Variants in CERS6 observed in about 807,000 individuals in gnomAD.
The protein encoded by CERS6 is ceramide synthase 6.
In CERS6, 26 loss-of-function variants were observed where a neutral mutation model predicts 56.8. That is an observed-to-expected ratio of 0.46 (90% CI 0.34 to 0.63). The LOEUF (loss-of-function observed/expected upper bound fraction) is 0.63. Ranked by LOEUF, CERS6 falls within the 30% of genes least tolerant of loss-of-function variation. The pLI, the probability that CERS6 is intolerant of heterozygous loss-of-function variation, is 0.01. For missense variants in CERS6, 415 were observed against 467.5 expected, an observed-to-expected ratio of 0.89 and a Z score of 1.04; for synonymous variants, 164 against 173.3, an observed-to-expected ratio of 0.95 and a Z score of 0.42.
chr2:168,645,487 T>A (rs879792830), intron 4 of CERS6, among the ~76,000 whole-genome samples: 1 of 151,984 alleles, frequency 6.6e-6, no homozygotes, highest in Non-Finnish European at 1.5e-5. Context: ...TTTGCCTTTT[T>A]AAAAAAGTTA....
intron 3 of CERS6, among the ~76,000 whole-genome samples, chr2:168,586,990 G>A (rs1683559616): frequency 1.3e-5 from 2 of 152,074 alleles, no homozygotes; most frequent in South Asian, 2.1e-4. Context: ...GGCCAACATG[G>A]TGAAACCCTG....
intron 8 of CERS6, among the ~76,000 whole-genome samples, chr2:168,752,034 T>G (rs141569633): frequency 1.5e-4 from 23 of 152,218 alleles, no homozygotes; most frequent in African/African-American, 3.9e-4. Context: ...TATCTTAAAA[T>G]CTCTCTCAGG....
chr2:168,699,997 C>T (rs1686764516), intron 6 of CERS6, among the ~76,000 whole-genome samples: 1 of 152,222 alleles, frequency 6.6e-6, no homozygotes, highest in Non-Finnish European at 1.5e-5. Flanking sequence ...GGGCCTTTGG[C>T]CAATGAGTTC....
In CERS6 at chr2:168,456,312, AGGCGGCGGCGGCGGGCGGGAGCAGCGGC is replaced by A. The variant is rs954641447; in HGVS notation, c.-127_-100del. 93 of 347,362 alleles carry A rather than the reference AGGCGGCGGCGGCGGGCGGGAGCAGCGGC, an allele frequency of 2.7e-4. 3 individuals are homozygous for A. The highest frequency in any genetic ancestry group is 3.9e-4 in the Non-Finnish European group (89 of 225,778). The allele number at this position is 347,362 out of a possible 1,614,324, so 21.5% of individuals were successfully genotyped here. On this transcript the variant is annotated 5_prime_UTR_variant, in exon 1 of 10. Coordinates refer to ENST00000305747, the MANE Select transcript of CERS6 (RefSeq NM_203463.3). The surrounding 1 kb of genome is among the most constrained non-coding windows in gnomAD (Gnocchi z 4.1). ...CCTTCGAGAGCAGCGGCCGCGGAGG[AGGCGGCGGCGGCGGGCGGGAGCAGCGGC>A]GGCGGCGGCACAGGCTCGGGGCCAG...
At chr2:168,588,870 C>T (rs945116387) in intron 3 of CERS6, among the ~76,000 whole-genome samples, 3 of 152,182 alleles carry the variant, frequency 2.0e-5, no homozygotes, top group African/African-American at 7.2e-5. Context: ...TCCTGAGGAG[C>T]TGGGACTACA....
chr2:168,524,042 G>A (rs1244051751), intron 1 of CERS6, among the ~76,000 whole-genome samples: 1 of 152,164 alleles, frequency 6.6e-6, no homozygotes, highest in Non-Finnish European at 1.5e-5. Flanking sequence ...ACATGCTGAT[G>A]TTTTTCCCCT....
At chr2:168,498,446 A>T (rs80321683) in intron 1 of CERS6, among the ~76,000 whole-genome samples, 2,839 of 152,242 alleles carry the variant, frequency 0.019, 84 homozygotes, top group African/African-American at 0.065. Flanking sequence ...CAATGCTTCC[A>T]AAGAGGGGCA....
chr2:168,711,566 T>C (rs1248320521), intron 6 of CERS6, among the ~76,000 whole-genome samples: 1 of 151,882 alleles, frequency 6.6e-6, no homozygotes, highest in African/African-American at 2.4e-5. Context: ...AAACCCCGTC[T>C]CAACCGAAAA....
intron 3 of CERS6, among the ~76,000 whole-genome samples, chr2:168,583,649 G>T (rs1363325503): frequency 6.6e-6 from 1 of 152,182 alleles, no homozygotes; most frequent in Non-Finnish European, 1.5e-5. Flanking sequence ...ACTATGAGAA[G>T]AAGATAATGA....
rs556927405 is a variant in CERS6 at position 168,707,929 on chromosome 2, T to C, written c.610-7072T>C. On this transcript the variant is annotated intron_variant, in intron 6 of 9. Transcript: ENST00000305747. ...CCATAAGACAGGACAAAGCAGCAAA[T>C]TATTCTGATGTGAATTTCTGGTACT... Among the ~76,000 whole-genome samples, 63 of 152,276 alleles carry C rather than the reference T, an allele frequency of 4.1e-4. No homozygotes were observed. The South Asian group carries it at 4.8e-3, about 12-fold the overall frequency.
At chr2:168,569,383 G>A (rs1695940684) in intron 3 of CERS6, among the ~76,000 whole-genome samples, 1 of 152,248 alleles carries the variant, frequency 6.6e-6, no homozygotes, top group Non-Finnish European at 1.5e-5. Flanking sequence ...AACAATGTCA[G>A]AAGGGTGGCA....
intron 4 of CERS6, among the ~76,000 whole-genome samples, chr2:168,633,176 TAA>T (rs79199606): frequency 0.018 from 2,556 of 140,098 alleles, 103 homozygotes; most frequent in East Asian, 0.16. Context: ...TTTTTTTTAA[TAA>T]AAAAAAAAAG....
chr2:168,675,495 A>G (rs1686035807), intron 4 of CERS6, among the ~76,000 whole-genome samples: 1 of 151,854 alleles, frequency 6.6e-6, no homozygotes, highest in African/African-American at 2.4e-5. Flanking sequence ...CTGAGGCAGG[A>G]GGATGGCTTG....
At chr2:168,500,669 G>T (rs1477491914) in intron 1 of CERS6, among the ~76,000 whole-genome samples, 1 of 152,210 alleles carries the variant, frequency 6.6e-6, no homozygotes, top group Non-Finnish European at 1.5e-5. Context: ...ACTATTTAAA[G>T]AATTCAAACC....
intron 3 of CERS6, among the ~76,000 whole-genome samples, chr2:168,617,791 T>G (rs1684353910): frequency 6.6e-6 from 1 of 152,172 alleles, no homozygotes; most frequent in Admixed American, 6.5e-5. Context: ...ACAGCTGAAT[T>G]CTACCAGACA....
intron 7 of CERS6, among the ~76,000 whole-genome samples, chr2:168,715,849 T>C (rs1687214674): frequency 6.6e-6 from 1 of 152,160 alleles, no homozygotes; most frequent in Non-Finnish European, 1.5e-5. Context: ...AAGAAATTAA[T>C]ATAACTGGTC....
chr2:168,496,145 A>G (rs957534877), intron 1 of CERS6, among the ~76,000 whole-genome samples: 4 of 152,212 alleles, frequency 2.6e-5, no homozygotes, highest in African/African-American at 9.6e-5. Flanking sequence ...CACATGCTAT[A>G]TATCAGTTGC....
At chr2:168,649,133 G>A (rs1430679141) in intron 4 of CERS6, among the ~76,000 whole-genome samples, 4 of 149,476 alleles carry the variant, frequency 2.7e-5, no homozygotes, top group Non-Finnish European at 4.4e-5. Flanking sequence ...GTTAGCTGCA[G>A]CAGCCTTGGG....
chr2:168,718,090 G>A, intron 8 of CERS6, 112 bp downstream of exon 8: 3 of 705,190 alleles, frequency 4.3e-6, no homozygotes, highest in Non-Finnish European at 7.0e-6. Flanking sequence ...TATATTGGGG[G>A]GGAGGGGAAA....
Sources: allele counts gnomAD v4.1 joint callset (sites outside exome capture counted in the v4.1 genomes callset), GRCh38; gene constraint gnomAD v4.1.1; non-coding constraint Gnocchi (gnomAD v3.1); transcripts MANE v1.5; gene names NCBI Gene and HGNC (gene_info 2026-07-23, HGNC 2026-07-21).